The following CHD8 variants were observed in gnomAD, a reference collection of about 807,000 sequenced individuals.
The protein encoded by CHD8 is chromodomain helicase DNA binding protein 8.
Under a neutral mutation model 279.2 loss-of-function variants are expected in CHD8, and 31 were observed. The ratio of observed to expected loss-of-function variants is 0.11; its 90% CI spans 0.08 to 0.15. The LOEUF (loss-of-function observed/expected upper bound fraction) is 0.15. CHD8 is among the 10% of genes least tolerant of loss of function. CHD8 has a pLI of 1.00. For missense variants in CHD8, 2,146 were observed against 3,230.5 expected (o/e 0.66, Z 8.14); for synonymous variants, 1,081 against 1,139.6 (o/e 0.95, Z 1.04).
chr14:21,440,500 T>A (rs1889929220), intron 1 of CHD8, among the ~76,000 whole-genome samples: 1 of 151,866 alleles, frequency 6.6e-6, no homozygotes, highest in African/African-American at 2.4e-5. Context: ...AGCCACCGCA[T>A]CCAGCCAAGA....
chr14:21,431,652 A>G lies in CHD8; in HGVS notation c.-9T>C. On this transcript the variant is annotated 5_prime_UTR_variant, in exon 2 of 38. Transcript: ENST00000646647. ...ATGATGGGGTCTGCCATCTTGGGAA[A>G]GTAATGGAGGGTACTTCTCCAAGGT... is the stretch of plus-strand genomic sequence containing the variant. 1 of 1,538,610 alleles carries G rather than the reference A, an allele frequency of 6.5e-7. No homozygotes were observed. Among genetic ancestry groups the G allele is most frequent in the East Asian group, 2.4e-5 (1 of 41,406 alleles).
intron 16 of CHD8, among the ~76,000 whole-genome samples, chr14:21,404,481 T>C (rs879379325): frequency 2.0e-5 from 3 of 150,776 alleles, no homozygotes; most frequent in Non-Finnish European, 2.9e-5. Flanking sequence ...CTATGATAAC[T>C]GGGTTAAAAA....
At chr14:21,445,407 G>A (rs996295918) in intron 1 of CHD8, among the ~76,000 whole-genome samples, 2 of 150,808 alleles carry the variant, frequency 1.3e-5, no homozygotes, top group Non-Finnish European at 1.5e-5. Flanking sequence ...CTGGCCGGGC[G>A]TGGTGGCTCA....
At chr14:21,394,253 C>T (rs753941539) in intron 31 of CHD8, 24 bp downstream of exon 31, 9 of 1,613,804 alleles carry the variant, frequency 5.6e-6, no homozygotes, top group South Asian at 2.2e-5. Context: ...CATCCATCCT[C>T]ACCCACTCTG....
At chr14:21,406,209 G>A (rs1336782204) in intron 14 of CHD8, among the ~76,000 whole-genome samples, 2 of 152,230 alleles carry the variant, frequency 1.3e-5, no homozygotes, top group East Asian at 1.9e-4. Context: ...TCTATGGAAT[G>A]TAACTGAGCT....
chr14:21,429,173 T>C lies in CHD8; in HGVS notation c.1006A>G (p.Lys336Glu), dbSNP rs758737136. 6.2e-7 allele frequency: 1 copy of C among 1,614,000 alleles called. No individual in the cohort carries two copies. The highest frequency in any genetic ancestry group is 8.5e-7 in the Non-Finnish European group (1 of 1,179,896). The change falls in exon 3 of 38, where the codon AAG (lysine) becomes GAG (glutamate). Residue 336 changes from lysine (K) to glutamate (E), a missense_variant. By Grantham distance (56) the Lys-to-Glu change is moderately conservative. Around this residue, in one of 26 missense-constraint regions of CHD8, gnomAD observed 170 missense variants for 189.9 expected, o/e 0.90. Coordinates refer to ENST00000646647, the MANE Select transcript of CHD8 (RefSeq NM_001170629.2). Reference protein sequence around the residue: ...QAKNAQGQPAKVVTIQLQVQQ... With the variant: ...QAKNAQGQPAEVVTIQLQVQQ... ...ACCTGCAGCTGGATAGTTACTACCT[T>C]GGCAGGCTGCCCTTGGGCATTCTTG...
intron 5 of CHD8, among the ~76,000 whole-genome samples, chr14:21,425,169 C>A (rs1889253141): frequency 6.6e-6 from 1 of 152,000 alleles, no homozygotes. Context: ...GAGTCAGAAT[C>A]CTGAAGTGTA....
At position 21,401,030 on chromosome 14, in the gene CHD8, C is replaced by T. The variant is rs1372786044; in HGVS notation, c.4215G>A (p.Thr1405=). 6 of 1,613,212 alleles carry T rather than the reference C, an allele frequency of 3.7e-6. No homozygotes were observed. Among genetic ancestry groups the T allele is most frequent in the East Asian group, 2.2e-5 (1 of 44,840 alleles). ...VIDTPRVRKQ[T]RHFSTLKDDD... ...CATCTTTCAGAGTGCTAAAGTGGCGCGTTTGTTTTCGTACTCTAGGTGTGT... is the reference window on the plus strand; with the variant it reads ...CATCTTTCAGAGTGCTAAAGTGGCGTGTTTGTTTTCGTACTCTAGGTGTGT... The change falls in exon 22 of 38, where the codon ACG becomes ACA. Residue 1405 remains threonine, a synonymous_variant. Coordinates refer to ENST00000646647, the MANE Select transcript of CHD8 (RefSeq NM_001170629.2).
At chr14:21,430,307 T>C (rs1325423909) in intron 2 of CHD8, 1 of 157,976 alleles carries the variant, frequency 6.3e-6, no homozygotes, top group African/African-American at 2.4e-5. Flanking sequence ...GCCTCTACCT[T>C]CTTACGCTAG....
At chr14:21,406,710 T>C in intron 14 of CHD8, 146 bp downstream of exon 14, 1 of 674,302 alleles carries the variant, frequency 1.5e-6, no homozygotes, top group South Asian at 2.3e-5. Flanking sequence ...TACACGACTT[T>C]CAGGTTACCA....
chr14:21,401,904 C>G, intron 20 of CHD8, 53 bp downstream of exon 20: 1 of 1,488,086 alleles, frequency 6.7e-7, no homozygotes, highest in Non-Finnish European at 9.2e-7. Flanking sequence ...TAATTAAATC[C>G]TAGAGATTCC....
chr14:21,400,858 G>C lies in CHD8; in HGVS notation c.4370+17C>G, dbSNP rs776930416. On this transcript the variant is annotated intron_variant, in intron 22 of 37. Transcript: ENST00000646647. The surrounding 1 kb of genome is among the most constrained non-coding windows in gnomAD (Gnocchi z 4.2). ...GATGCACTATGCACTACCTCTAATG[G>C]TAAGTTGGGGTCTTACCCATATACC... 11 of 1,589,150 alleles carry C rather than the reference G, an allele frequency of 6.9e-6. No individual in the cohort carries two copies. The highest frequency in any genetic ancestry group is 9.4e-6 in the Non-Finnish European group (11 of 1,169,216).
At chr14:21,417,226 G>A (rs957512981) in intron 5 of CHD8, among the ~76,000 whole-genome samples, 1 of 152,096 alleles carries the variant, frequency 6.6e-6, no homozygotes, top group Non-Finnish European at 1.5e-5. Flanking sequence ...CTTCCATGAA[G>A]AAAAATTTGG....
chr14:21,427,818 T>C (rs2139530991), intron 4 of CHD8, 51 bp downstream of exon 4: 1 of 1,583,318 alleles, frequency 6.3e-7, no homozygotes, highest in East Asian at 2.2e-5. Flanking sequence ...CAAGGAGTAC[T>C]CACTTGAGCT....
chr14:21,446,866 A>G (rs1890135651), intron 1 of CHD8, among the ~76,000 whole-genome samples: 1 of 152,218 alleles, frequency 6.6e-6, no homozygotes, highest in Admixed American at 6.5e-5. Context: ...AGATTGAATA[A>G]CTGATTATAT....
intron 5 of CHD8, among the ~76,000 whole-genome samples, chr14:21,418,117 A>G (rs1272015013): frequency 6.6e-6 from 1 of 152,140 alleles, no homozygotes; most frequent in African/African-American, 2.4e-5. Context: ...TAGATGAACT[A>G]TCAAAAACAT....
chr14:21,439,323 C>T (rs1339533825), intron 1 of CHD8, among the ~76,000 whole-genome samples: 1 of 152,146 alleles, frequency 6.6e-6, no homozygotes, highest in African/African-American at 2.4e-5. Context: ...CTGTAAACAG[C>T]AATACTGTTT....
At chr14:21,401,826 T>G (rs1303151984) in intron 20 of CHD8, 131 bp downstream of exon 20, 3 of 815,634 alleles carry the variant, frequency 3.7e-6, no homozygotes, top group African/African-American at 1.7e-5. Context: ...CCTCAAGTGA[T>G]CTGCCCGCCT....
In CHD8 at chr14:21,386,086, C is replaced by A; in HGVS notation, c.7273G>T (p.Asp2425Tyr). ...SKKRARRMRP[D>Y]LSKMMALMQG... is the part of the protein sequence containing the mutation. ...ATGAGGGCCATCATCTTAGAAAGGT[C>A]TGGTCGCATCCTACGGGCCCGCTTC... Residue 2425 changes from aspartate to tyrosine, a missense_variant, in exon 38 of 38, where the codon GAC becomes TAC. Asp to Tyr is a radical substitution (Grantham distance 160). Around this residue, in one of 26 missense-constraint regions of CHD8, gnomAD observed 336 missense variants for 392.9 expected, o/e 0.86. Transcript: ENST00000646647. 1 of 1,571,982 alleles carries A rather than the reference C, an allele frequency of 6.4e-7. No homozygotes were observed. The highest frequency in any genetic ancestry group is 8.6e-7 in the Non-Finnish European group (1 of 1,157,938).
Sources: gnomAD v4.1 joint callset for allele counts (sites outside exome capture counted in the v4.1 genomes callset) on GRCh38, gnomAD v4.1.1 for gene constraint, gnomAD v4.1.1 regional missense constraint, Gnocchi (gnomAD v3.1) non-coding constraint, MANE v1.5 for transcripts, NCBI Gene and HGNC (gene_info 2026-07-23, HGNC 2026-07-21) for gene names.